PTPRD: variants seen among roughly 807,000 people sequenced by gnomAD.
PTPRD encodes the protein receptor-type tyrosine-protein phosphatase delta.
A neutral mutation model predicts 214.5 loss-of-function variants in PTPRD; 34 were observed. That is an observed-to-expected ratio of 0.16 (90% CI 0.12 to 0.21). The LOEUF (loss-of-function observed/expected upper bound fraction) is 0.21. Ranked by LOEUF, PTPRD falls within the 10% of genes least tolerant of loss-of-function variation. The pLI, the probability that PTPRD is intolerant of heterozygous loss-of-function variation, is 1.00. For synonymous variants in PTPRD, 1,128 were observed against 845.7 expected, an observed-to-expected ratio of 1.33 and a Z score of -5.79; for missense variants, 2,545 against 2,398.7, an observed-to-expected ratio of 1.06 and a Z score of -1.27.
At chr9:9,132,730 G>C (rs910077489) in intron 10 of PTPRD, among the ~76,000 whole-genome samples, 1 of 152,076 alleles carries the variant, frequency 6.6e-6, no homozygotes, top group Non-Finnish European at 1.5e-5. Flanking sequence ...ATGAACTGTA[G>C]GCAATGTTGC....
At chr9:9,181,435 C>A (rs1196538913) in intron 10 of PTPRD, among the ~76,000 whole-genome samples, 2 of 151,674 alleles carry the variant, frequency 1.3e-5, no homozygotes, top group Non-Finnish European at 2.9e-5. Context: ...ATTTTCAAAC[C>A]TGCCTGTGTG....
At chr9:8,945,229 T>C (rs775092148) in intron 11 of PTPRD, among the ~76,000 whole-genome samples, 13 of 152,046 alleles carry the variant, frequency 8.6e-5, no homozygotes, top group Non-Finnish European at 1.8e-4. Flanking sequence ...AACTTAATTA[T>C]GATGGAACTG....
At chr9:8,792,447 T>C (rs2096267403) in intron 11 of PTPRD, among the ~76,000 whole-genome samples, 1 of 152,202 alleles carries the variant, frequency 6.6e-6, no homozygotes, top group Non-Finnish European at 1.5e-5. Context: ...AGCTGTCCTT[T>C]TCTAATGGGC....
chr9:9,503,201 T>A (rs1219472281), intron 8 of PTPRD, among the ~76,000 whole-genome samples: 2 of 151,838 alleles, frequency 1.3e-5, no homozygotes, highest in Admixed American at 1.3e-4. Flanking sequence ...TGAGAGTTAT[T>A]CTTATTTTAG....
chr9:8,761,694 A>G (rs1210127379), intron 11 of PTPRD, among the ~76,000 whole-genome samples: 1 of 152,228 alleles, frequency 6.6e-6, no homozygotes, highest in African/African-American at 2.4e-5. Context: ...ACATCTAATA[A>G]TACTGTTAAT....
At chr9:10,153,834 C>A (rs1051117231) in intron 3 of PTPRD, among the ~76,000 whole-genome samples, 1 of 151,972 alleles carries the variant, frequency 6.6e-6, no homozygotes, top group Non-Finnish European at 1.5e-5. Context: ...TTAGTGGCTG[C>A]GTAGAATTCC....
At chr9:9,179,768 A>T (rs2099927074) in intron 10 of PTPRD, among the ~76,000 whole-genome samples, 1 of 152,032 alleles carries the variant, frequency 6.6e-6, no homozygotes, top group Non-Finnish European at 1.5e-5. Flanking sequence ...CCTTGAAATA[A>T]AATAATGAAT....
chr9:9,231,186 T>C (rs1403123419), intron 9 of PTPRD, among the ~76,000 whole-genome samples: 1 of 152,146 alleles, frequency 6.6e-6, no homozygotes, highest in Non-Finnish European at 1.5e-5. Context: ...TTTTAAAAGA[T>C]AGTCTCAGTA....
chr9:9,280,207 T>C (rs1336339905), intron 9 of PTPRD, among the ~76,000 whole-genome samples: 1 of 151,212 alleles, frequency 6.6e-6, no homozygotes, highest in Non-Finnish European at 1.5e-5. Flanking sequence ...GAGACTTAAG[T>C]GGAGAATCCA....
Position 8,933,892 on chromosome 9 carries a change from G to A in PTPRD, c.-104+84805C>T, listed in dbSNP as rs142684372. Reference sequence around the variant, plus strand: ...CAGACTTTAATAAATCACAAATCTAGTATTCCTTCTGGCAAGTTCTCCATA... The same window carrying A: ...CAGACTTTAATAAATCACAAATCTAATATTCCTTCTGGCAAGTTCTCCATA... On this transcript the variant is annotated intron_variant, in intron 11 of 45. Transcript: ENST00000381196. 3.2e-3 allele frequency among the ~76,000 whole-genome samples: 483 copies of A among 152,156 alleles called. 4 individuals carry two copies. The highest frequency in any genetic ancestry group is 0.011 in the African/African-American group (461 of 41,524).
chr9:8,375,521 T>C (rs1248073615), intron 39 of PTPRD, among the ~76,000 whole-genome samples: 1 of 151,956 alleles, frequency 6.6e-6, no homozygotes. Context: ...TATGATATAT[T>C]ATTATTTTGT....
At chr9:9,365,320 C>T (rs1009176592) in intron 9 of PTPRD, among the ~76,000 whole-genome samples, 4 of 151,536 alleles carry the variant, frequency 2.6e-5, no homozygotes, top group African/African-American at 9.7e-5. Flanking sequence ...TAAATGCAAA[C>T]ATATAATCTT....
chr9:10,062,039 G>T (rs536477796), intron 3 of PTPRD, among the ~76,000 whole-genome samples: 3 of 147,664 alleles, frequency 2.0e-5, no homozygotes, highest in East Asian at 2.0e-4. Flanking sequence ...TTGATTGATT[G>T]ATACTGTTAA....
chr9:9,058,538 C>T (rs1232087310), intron 10 of PTPRD, among the ~76,000 whole-genome samples: 1 of 141,458 alleles, frequency 7.1e-6, no homozygotes, highest in Non-Finnish European at 1.5e-5. Context: ...AGCCTCCGCC[C>T]CCTGGGGTTC....
chr9:9,217,529 G>C (rs752334112), intron 9 of PTPRD, among the ~76,000 whole-genome samples: 17 of 152,060 alleles, frequency 1.1e-4, no homozygotes, highest in Non-Finnish European at 2.2e-4. Context: ...TCATCTGGGA[G>C]TATATTGGCT....
chr9:9,923,436 A>G (rs1370599311), intron 5 of PTPRD, among the ~76,000 whole-genome samples: 1 of 147,954 alleles, frequency 6.8e-6, no homozygotes, highest in Non-Finnish European at 1.5e-5. Flanking sequence ...GTTGCAGTTG[A>G]TAAGACTAAA....
intron 9 of PTPRD, among the ~76,000 whole-genome samples, chr9:9,333,939 C>T (rs1271017744): frequency 6.6e-6 from 1 of 151,814 alleles, no homozygotes; most frequent in African/African-American, 2.4e-5. Flanking sequence ...ATAGTCTCTT[C>T]GATCCTCAAT....
chr9:9,590,091 A>C (rs997882603), intron 7 of PTPRD, among the ~76,000 whole-genome samples: 1 of 152,086 alleles, frequency 6.6e-6, no homozygotes, highest in Non-Finnish European at 1.5e-5. Context: ...TATAATGTCA[A>C]TAAAAATACA....
At chr9:10,341,345 G>T (rs968418423) in intron 2 of PTPRD, among the ~76,000 whole-genome samples, 6 of 152,034 alleles carry the variant, frequency 3.9e-5, no homozygotes, top group East Asian at 3.9e-4. Context: ...GAAGCTCCAA[G>T]AATTGTGCTG....
Sources: allele counts gnomAD v4.1 joint callset (sites outside exome capture counted in the v4.1 genomes callset), GRCh38; gene constraint gnomAD v4.1.1; transcripts MANE v1.5; gene names NCBI Gene and HGNC (gene_info 2026-07-23, HGNC 2026-07-21).